Variants in ENTREP2 observed in about 807,000 individuals in gnomAD.
The protein encoded by ENTREP2 is endosomal transmembrane epsin interactor 2, also known as protein ENTREP2.
chr15:29,439,507 T>C, the ENTREP2 span, among the ~76,000 whole-genome samples: 1 of 152,094 alleles, frequency 6.6e-6, no homozygotes, highest in East Asian at 1.9e-4. Flanking sequence ...AAGAGACCAA[T>C]TTTCCTTAAA....
At chr15:29,403,351 G>T in the ENTREP2 span, among the ~76,000 whole-genome samples, 3 of 152,102 alleles carry the variant, frequency 2.0e-5, no homozygotes, top group African/African-American at 4.8e-5. Context: ...AAGGTAGATT[G>T]CCCTGCTTGA....
chr15:29,362,752 G>C, the ENTREP2 span, among the ~76,000 whole-genome samples: 2 of 152,122 alleles, frequency 1.3e-5, no homozygotes, highest in East Asian at 3.9e-4. Flanking sequence ...AATAAAAAAT[G>C]TGCCTGATGG....
the ENTREP2 span, among the ~76,000 whole-genome samples, chr15:29,595,882 A>C: frequency 2.6e-5 from 4 of 151,986 alleles, no homozygotes; most frequent in African/African-American, 9.7e-5. Context: ...GTGTCCCTTT[A>C]ACATAACCCT....
the ENTREP2 span, among the ~76,000 whole-genome samples, chr15:29,587,138 C>T: frequency 3.2e-5 from 4 of 123,972 alleles, no homozygotes; most frequent in Non-Finnish European, 7.0e-5. Flanking sequence ...TGTAGCTAAC[C>T]GTGTGTGTGT....
the ENTREP2 span, among the ~76,000 whole-genome samples, chr15:29,540,388 T>C: frequency 4.6e-5 from 7 of 152,276 alleles, no homozygotes; most frequent in East Asian, 1.4e-3. Flanking sequence ...TATGTACAAA[T>C]ATAATGTATC....
chr15:29,643,792 A>AG, the ENTREP2 span, among the ~76,000 whole-genome samples: 549 of 149,636 alleles, frequency 3.7e-3, 2 homozygotes, highest in African/African-American at 0.013. Context: ...AAAAAAAAAA[A>AG]AAAAAAGAAA....
chr15:29,137,173 G>A, the ENTREP2 span: 2 of 1,481,222 alleles, frequency 1.4e-6, no homozygotes, highest in East Asian at 2.8e-5. Context: ...GGGTTGGCAG[G>A]ATGTGACCTC....
chr15:29,203,763 G>T, the ENTREP2 span, among the ~76,000 whole-genome samples: 2 of 152,030 alleles, frequency 1.3e-5, no homozygotes, highest in Admixed American at 1.3e-4. Context: ...GTTTCCCTTT[G>T]CTGTGATCAA....
the ENTREP2 span, among the ~76,000 whole-genome samples, chr15:29,341,605 C>G: frequency 6.6e-6 from 1 of 152,168 alleles, no homozygotes. Flanking sequence ...AGACAGGACC[C>G]CTGCCCCTTG....
the ENTREP2 span, among the ~76,000 whole-genome samples, chr15:29,536,894 A>G: frequency 6.6e-6 from 1 of 152,110 alleles, no homozygotes; most frequent in East Asian, 1.9e-4. Flanking sequence ...GGCCACCACC[A>G]GAAGCCAGGA....
At chr15:29,565,667 A>G in the ENTREP2 span, among the ~76,000 whole-genome samples, 1 of 152,228 alleles carries the variant, frequency 6.6e-6, no homozygotes, top group Non-Finnish European at 1.5e-5. Flanking sequence ...TTTAAAAAGA[A>G]AAGAAACATT....
At chr15:29,316,152 C>T in the ENTREP2 span, among the ~76,000 whole-genome samples, 1 of 151,970 alleles carries the variant, frequency 6.6e-6, no homozygotes, top group East Asian at 1.9e-4. Flanking sequence ...ATTAAAATCC[C>T]TAAAATCAAA....
the ENTREP2 span, among the ~76,000 whole-genome samples, chr15:29,404,882 T>G: frequency 6.6e-6 from 1 of 151,704 alleles, no homozygotes; most frequent in Admixed American, 6.6e-5. Flanking sequence ...ATACCCCACG[T>G]CCCTCCCCCA....
the ENTREP2 span, among the ~76,000 whole-genome samples, chr15:29,574,399 T>C: frequency 6.6e-6 from 1 of 152,300 alleles, no homozygotes; most frequent in Admixed American, 6.5e-5. Context: ...GTTCAAGCGA[T>C]TCTCGTGCCT....
the ENTREP2 span, among the ~76,000 whole-genome samples, chr15:29,393,437 C>G: frequency 5.3e-5 from 8 of 152,206 alleles, no homozygotes; most frequent in African/African-American, 1.9e-4. Flanking sequence ...CACTCATGCT[C>G]AGGGCAAGTC....
chr15:29,315,123 T>C, the ENTREP2 span, among the ~76,000 whole-genome samples: 1 of 152,168 alleles, frequency 6.6e-6, no homozygotes, highest in Admixed American at 6.6e-5. Context: ...AAATATATTC[T>C]TGGATAAGAA....
At chr15:29,269,471 G>A in the ENTREP2 span, 2 of 1,612,486 alleles carry the variant, frequency 1.2e-6, no homozygotes, top group African/African-American at 2.7e-5. Context: ...TGGCTCCTGG[G>A]CCCCACGGCG....
At chr15:29,535,742 C>T in the ENTREP2 span, among the ~76,000 whole-genome samples, 51 of 146,160 alleles carry the variant, frequency 3.5e-4, no homozygotes, top group Non-Finnish European at 6.5e-4. Context: ...CCCAAATATT[C>T]TTTTTTTTTT....
the ENTREP2 span, among the ~76,000 whole-genome samples, chr15:29,328,672 T>G: frequency 6.6e-6 from 1 of 152,172 alleles, no homozygotes; most frequent in Non-Finnish European, 1.5e-5. Context: ...TACTCACGTA[T>G]TTTGAAACTG....
Sources: allele counts gnomAD v4.1 joint callset (sites outside exome capture counted in the v4.1 genomes callset), GRCh38; gene constraint gnomAD v4.1.1; transcripts MANE v1.5; gene names NCBI Gene and HGNC (gene_info 2026-07-23, HGNC 2026-07-21).